Variants in INTS2 observed in about 807,000 individuals in gnomAD.
INTS2 encodes integrator complex subunit 2.
INTS2 carries 57 observed loss-of-function variants against 139.6 expected under a neutral mutation model. The observed-to-expected ratio is 0.41, with a 90% CI of 0.33 to 0.51. INTS2 has a LOEUF of 0.51. INTS2 is among the 20% of genes least tolerant of loss of function. INTS2 has a pLI of 0.28. For missense variants in INTS2, 1,196 were observed against 1,436.7 expected, an observed-to-expected ratio of 0.83 and a Z score of 2.71; for synonymous variants, 473 against 493.4, an observed-to-expected ratio of 0.96 and a Z score of 0.55.
At chr17:61,919,777 A>G (rs1248878606) in intron 4 of INTS2, among the ~76,000 whole-genome samples, 4 of 152,064 alleles carry the variant, frequency 2.6e-5, no homozygotes, top group Admixed American at 1.3e-4. Context: ...TGCCCAGGCT[A>G]CAGTGCAGTG....
intron 17 of INTS2, among the ~76,000 whole-genome samples, chr17:61,878,550 C>A (rs1381753619): frequency 6.6e-6 from 1 of 151,842 alleles, no homozygotes; most frequent in Non-Finnish European, 1.5e-5. Context: ...GGTGACACAG[C>A]AAGACTCCAT....
Position 61,873,930 on chromosome 17 carries a change from A to G in INTS2, c.2582+983T>C. 6.6e-6 allele frequency among the ~76,000 whole-genome samples: 1 copy of G among 152,156 alleles called. No individual in the cohort carries two copies. Among genetic ancestry groups the G allele is most frequent in the Middle Eastern group, 3.2e-3 (1 of 316 alleles). On this transcript the variant is annotated intron_variant, in intron 19 of 24. Coordinates refer to ENST00000251334, the MANE Select transcript of INTS2 (RefSeq NM_001351695.2). This position sits in a 1 kb window ranked among gnomAD's most constrained non-coding sequence, Gnocchi z 4.0. Reference sequence around the variant, plus strand: ...CCAACTGTAAAATGTTCTCTTTTCAAAAATAACCCTCTTCACGGCTTCCTC... The same window carrying G: ...CCAACTGTAAAATGTTCTCTTTTCAGAAATAACCCTCTTCACGGCTTCCTC...
intron 7 of INTS2, 84 bp downstream of exon 7, chr17:61,911,436 A>G: frequency 8.4e-7 from 1 of 1,196,068 alleles, no homozygotes; most frequent in Non-Finnish European, 1.2e-6. Context: ...TTGTCTAATG[A>G]CATCATTCAA....
Position 61,868,889 on chromosome 17 carries a change from G to A in INTS2, c.3244+145C>T, listed in dbSNP as rs3760367. The A allele has an allele frequency of 1.5e-3, 822 of 534,708 alleles. 9 individuals are homozygous for A. In the East Asian group the frequency reaches 0.02, roughly 13 times the overall value. The allele number at this position is 534,708 out of a possible 1,614,324, so 33.1% of individuals were successfully genotyped here. On this transcript the variant is annotated intron_variant, in intron 23 of 24. Coordinates refer to ENST00000251334, the MANE Select transcript of INTS2 (RefSeq NM_001351695.2). The surrounding 1 kb of genome is among the most constrained non-coding windows in gnomAD (Gnocchi z 4.7). Reference sequence around the variant, plus strand: ...TTTCCAAAAGAAGAATTCAAAAGACGGCATAAGTTAAACTAGTATTTAACA... The same window carrying A: ...TTTCCAAAAGAAGAATTCAAAAGACAGCATAAGTTAAACTAGTATTTAACA...
chr17:61,876,720 G>C lies in INTS2; in HGVS notation c.2456+1167C>G, dbSNP rs2079130458. Among the ~76,000 whole-genome samples, 1 of 152,108 alleles carries C rather than the reference G, an allele frequency of 6.6e-6. No individual in the cohort carries two copies. Among genetic ancestry groups the C allele is most frequent in the Non-Finnish European group, 1.5e-5 (1 of 68,024 alleles). ...GGCCTCCCAAAGTGCTAAGATTACAGGTGTGGGCCAGTGCACCCAGCCAAA... is the reference window on the plus strand; with the variant it reads ...GGCCTCCCAAAGTGCTAAGATTACACGTGTGGGCCAGTGCACCCAGCCAAA... On this transcript the variant is annotated intron_variant, in intron 18 of 24. Coordinates refer to ENST00000251334, the MANE Select transcript of INTS2 (RefSeq NM_001351695.2). This position sits in a 1 kb window ranked among gnomAD's most constrained non-coding sequence, Gnocchi z 4.1.
rs1222409050 is a variant in INTS2, at chr17:61,873,033, A to T, written c.2583-573T>A. Among the ~76,000 whole-genome samples the T allele has an allele frequency of 6.6e-6, 1 of 152,232 alleles. No homozygotes were observed. The highest frequency in any genetic ancestry group is 1.5e-5 in the Non-Finnish European group (1 of 68,040). On this transcript the variant is annotated intron_variant, in intron 19 of 24. Transcript: ENST00000251334. The surrounding 1 kb of genome is among the most constrained non-coding windows in gnomAD (Gnocchi z 4.0). ...TCTACATAGTAGAATGAAAATCTGA[A>T]TTAAAAGTCTTGAAAATGAGCACGA...
chr17:61,874,787 A>T, intron 19 of INTS2, 126 bp downstream of exon 19: 1 of 583,082 alleles, frequency 1.7e-6, no homozygotes, highest in Non-Finnish European at 2.6e-6. Flanking sequence ...AAAAAACCGC[A>T]CAGGTCACAC....
At chr17:61,903,159 T>C (rs1310784907) in intron 9 of INTS2, among the ~76,000 whole-genome samples, 5 of 109,176 alleles carry the variant, frequency 4.6e-5, no homozygotes, top group Non-Finnish European at 8.7e-5. Flanking sequence ...AAAGCTAGAC[T>C]CCGTCTCAAA....
rs963779177 is a variant in INTS2 at position 61,866,844 on chromosome 17, C to A, written c.*713G>T. The A allele has an allele frequency of 1.3e-5, 2 of 152,176 alleles. No homozygotes were observed. Among genetic ancestry groups the A allele is most frequent in the African/African-American group, 4.8e-5 (2 of 41,442 alleles). 9.4% of individuals were successfully genotyped at this position (152,176 alleles called of 1,614,324 possible). The stretch of plus-strand genomic sequence containing the variant: ...AGATGTTTCTGTAAACACTTTTACA[C>A]CAGTATCTTAAAATTCCAAATTATT... On this transcript the variant is annotated 3_prime_UTR_variant, in exon 25 of 25. Transcript: ENST00000251334.
chr17:61,904,141 T>A (rs544582543), intron 9 of INTS2, among the ~76,000 whole-genome samples: 1 of 152,034 alleles, frequency 6.6e-6, no homozygotes, highest in Non-Finnish European at 1.5e-5. Context: ...ATCCTTATTT[T>A]AAAAAAATAC....
intron 12 of INTS2, 49 bp downstream of exon 12, chr17:61,895,266 A>C: frequency 9.2e-7 from 1 of 1,081,824 alleles, no homozygotes; most frequent in Non-Finnish European, 1.3e-6. Flanking sequence ...TCTCCCAAAG[A>C]ATATTGTAAA....
intron 8 of INTS2, among the ~76,000 whole-genome samples, chr17:61,904,986 G>A (rs948889806): frequency 1.4e-5 from 2 of 145,472 alleles, no homozygotes; most frequent in East Asian, 2.0e-4. Flanking sequence ...TTGCTCCATC[G>A]CCCAGGCTGG....
chr17:61,923,017 C>T (rs993643942), intron 3 of INTS2, among the ~76,000 whole-genome samples: 2 of 151,604 alleles, frequency 1.3e-5, no homozygotes, highest in African/African-American at 4.9e-5. Context: ...GCAAAGGTTG[C>T]AGTGAGCAAG....
chr17:61,898,635 T>A (rs1158628536), intron 9 of INTS2, among the ~76,000 whole-genome samples: 1 of 149,864 alleles, frequency 6.7e-6, no homozygotes, highest in African/African-American at 2.5e-5. Flanking sequence ...AATTCTGAGA[T>A]GGAGTTTCAC....
At chr17:61,918,727 G>GA (rs1443487245) in intron 5 of INTS2, among the ~76,000 whole-genome samples, 1 of 152,024 alleles carries the variant, frequency 6.6e-6, no homozygotes, top group Admixed American at 6.6e-5. Flanking sequence ...AAATAGAGGT[G>GA]AAAAAATGTA....
At position 61,873,530 on chromosome 17, in the gene INTS2, C is replaced by T. The variant is rs2079105203; in HGVS notation, c.2583-1070G>A. Among the ~76,000 whole-genome samples, 1 of 152,118 alleles carries T rather than the reference C, an allele frequency of 6.6e-6. No homozygotes were observed. The highest frequency in any genetic ancestry group is 2.4e-5 in the African/African-American group (1 of 41,420). On this transcript the variant is annotated intron_variant, in intron 19 of 24. Transcript: ENST00000251334. The surrounding 1 kb of genome is among the most constrained non-coding windows in gnomAD (Gnocchi z 4.0). ...GATTCAGGTGTAAGCTCACCTATTTCAGTGGATTTTTAACAATGATAAATC... is the reference window on the plus strand; with the variant it reads ...GATTCAGGTGTAAGCTCACCTATTTTAGTGGATTTTTAACAATGATAAATC...
intron 7 of INTS2, chr17:61,910,667 T>C (rs1444739359): frequency 6.6e-6 from 1 of 151,978 alleles, no homozygotes; most frequent in African/African-American, 2.4e-5. Flanking sequence ...TTAATGCCAC[T>C]GAATTATATA....
At chr17:61,905,443 C>G (rs981855250) in intron 8 of INTS2, among the ~76,000 whole-genome samples, 3 of 152,184 alleles carry the variant, frequency 2.0e-5, no homozygotes, top group African/African-American at 7.2e-5. Context: ...TCTCCTGCCT[C>G]AGACTCCTGA....
intron 2 of INTS2, among the ~76,000 whole-genome samples, 158 bp from the exon 3 acceptor site, chr17:61,925,257 C>T (rs1168016290): frequency 6.6e-6 from 1 of 152,160 alleles, no homozygotes; most frequent in African/African-American, 2.4e-5. Context: ...CTGTGTATTT[C>T]AGGGATTCAC....
Sources: allele counts gnomAD v4.1 joint callset (sites outside exome capture counted in the v4.1 genomes callset), GRCh38; gene constraint gnomAD v4.1.1; non-coding constraint Gnocchi (gnomAD v3.1); transcripts MANE v1.5; gene names NCBI Gene and HGNC (gene_info 2026-07-23, HGNC 2026-07-21).